SAFB2: variants seen among roughly 807,000 people sequenced by gnomAD.
The protein encoded by SAFB2 is scaffold attachment factor B2.
Under a neutral mutation model 100.6 loss-of-function variants are expected in SAFB2, and 32 were observed. The ratio of observed to expected loss-of-function variants is 0.32; its 90% CI spans 0.24 to 0.43. The LOEUF is 0.43. SAFB2 is among the 20% of genes least tolerant of loss of function. The pLI, the probability that SAFB2 is intolerant of heterozygous loss-of-function variation, is 1.00. For synonymous variants in SAFB2, 500 were observed against 439.4 expected (o/e 1.14, Z -1.72); for missense variants, 1,185 against 1,163.4 (o/e 1.02, Z -0.27).
chr19:5,593,635 C>G, intron 15 of SAFB2: 1 of 439,638 alleles, frequency 2.3e-6, no homozygotes, highest in Admixed American at 4.2e-5. Context: ...ACAAACCCTT[C>G]AGCAAGTGGC....
At chr19:5,617,973 A>G (rs1437339747) in intron 2 of SAFB2, among the ~76,000 whole-genome samples, 1 of 152,122 alleles carries the variant, frequency 6.6e-6, no homozygotes, top group East Asian at 1.9e-4. Context: ...TGAGACCCCC[A>G]TCTCCACCAA....
At chr19:5,621,858 C>T (rs915545681) in intron 1 of SAFB2, among the ~76,000 whole-genome samples, 11 of 152,342 alleles carry the variant, frequency 7.2e-5, no homozygotes, top group African/African-American at 2.6e-4. Flanking sequence ...CCACAAGCTC[C>T]CTCCCTATGC....
rs554743450 is a variant in SAFB2, at chr19:5,605,394, C to T, written c.1297-458G>A. On this transcript the variant is annotated intron_variant, in intron 9 of 20. Transcript: ENST00000252542. Reference sequence around the variant, plus strand: ...TGCTGGGATTACAGGCATGAGACACCGCACCCAGCCACTAAATACAACTGC... The same window carrying T: ...TGCTGGGATTACAGGCATGAGACACTGCACCCAGCCACTAAATACAACTGC... Among the ~76,000 whole-genome samples, 7 of 152,190 alleles carry T rather than the reference C, an allele frequency of 4.6e-5. No individual in the cohort carries two copies. In the South Asian group the frequency reaches 1.2e-3, roughly 27 times the overall value.
At chr19:5,598,768 C>A in intron 13 of SAFB2, 25 bp downstream of exon 13, 1 of 1,602,572 alleles carries the variant, frequency 6.2e-7, no homozygotes, top group Non-Finnish European at 8.6e-7. Context: ...ACAGCTGGCC[C>A]TGAGATGGCA....
At chr19:5,620,918 T>C (rs1436776747) in intron 2 of SAFB2, among the ~76,000 whole-genome samples, 1 of 151,984 alleles carries the variant, frequency 6.6e-6, no homozygotes, top group East Asian at 1.9e-4. Flanking sequence ...CAAAGCTGAG[T>C]TCTATTCGGT....
intron 1 of SAFB2, among the ~76,000 whole-genome samples, chr19:5,621,825 C>A (rs999058739): frequency 6.6e-6 from 1 of 152,270 alleles, no homozygotes; most frequent in Non-Finnish European, 1.5e-5. Context: ...TGCCTGCCAC[C>A]TGCCGGGTCC....
Position 5,592,929 on chromosome 19 carries a change from AGAGAGGAGG to A in SAFB2, c.2208-51_2208-43del. On this transcript the variant is annotated intron_variant, in intron 15 of 20. Transcript: ENST00000252542. The stretch of plus-strand genomic sequence containing the variant: ...TAAAAGAATACAAATTCCATTAATG[AGAGAGGAGG>A]AGGAAAAAAGGAGGAGGTGGAGGTG... The A allele has an allele frequency of 3.8e-6, 6 of 1,594,810 alleles. No individual in the cohort carries two copies. The African/African-American group carries it at 8.1e-5, about 21-fold the overall frequency.
chr19:5,593,716 T>C, intron 15 of SAFB2, 175 bp downstream of exon 15: 1 of 644,030 alleles, frequency 1.6e-6, no homozygotes, highest in Non-Finnish European at 2.4e-6. Flanking sequence ...GACAGCGAAC[T>C]AATAAACCTG....
At chr19:5,596,110 A>G (rs1431850218) in intron 13 of SAFB2, among the ~76,000 whole-genome samples, 1 of 152,166 alleles carries the variant, frequency 6.6e-6, no homozygotes, top group Non-Finnish European at 1.5e-5. Context: ...TAAAAATACA[A>G]AAATTAGCTA....
chr19:5,622,409 C>T (rs2053182341), intron 1 of SAFB2, 121 bp downstream of exon 1: 3 of 1,036,552 alleles, frequency 2.9e-6, no homozygotes, highest in Non-Finnish European at 3.9e-6. Context: ...CACCTCGAAC[C>T]GGGGTCGGCC....
chr19:5,598,723 T>G lies in SAFB2; in HGVS notation c.1782+70A>C, dbSNP rs1011289806. ...AGGCAAAACAGTGCTGTTTTCATAA[T>G]GCGGATCAAACGGGCCGTGGAGCCA... On this transcript the variant is annotated intron_variant, in intron 13 of 20. Coordinates refer to ENST00000252542, the MANE Select transcript of SAFB2 (RefSeq NM_014649.3). 1.1e-5 allele frequency: 16 copies of G among 1,397,012 alleles called. No homozygotes were observed. In the East Asian group the frequency reaches 3.4e-4, roughly 30 times the overall value. 86.5% of individuals were successfully genotyped at this position (1,397,012 alleles called of 1,614,324 possible).
chr19:5,594,440 C>T (rs2052493335), intron 14 of SAFB2, among the ~76,000 whole-genome samples: 1 of 152,174 alleles, frequency 6.6e-6, no homozygotes, highest in Non-Finnish European at 1.5e-5. Context: ...TTTTGCTTTA[C>T]TGAGCAATAT....
chr19:5,596,250 G>A (rs183380588), intron 13 of SAFB2, among the ~76,000 whole-genome samples: 6 of 152,300 alleles, frequency 3.9e-5, no homozygotes, highest in East Asian at 1.9e-4. Context: ...GTGACAGAGC[G>A]GGACTCCGTC....
At chr19:5,601,711 A>AAAATAAATAAATAAATAAAT (rs10647558) in intron 11 of SAFB2, among the ~76,000 whole-genome samples, 1 of 144,748 alleles carries the variant, frequency 6.9e-6, no homozygotes, top group Non-Finnish European at 1.5e-5. Context: ...ACTCCATCTC[A>AAAATAAATAAATAAATAAAT]AAATAAATAA....
At chr19:5,596,258 G>A (rs549900234) in intron 13 of SAFB2, among the ~76,000 whole-genome samples, 22 of 152,284 alleles carry the variant, frequency 1.4e-4, no homozygotes, top group African/African-American at 2.9e-4. Context: ...GCGGGACTCC[G>A]TCTCAAATAA....
chr19:5,592,748 T>C lies in SAFB2; in HGVS notation c.2347A>G (p.Arg783Gly). 1 of 1,613,986 alleles carries C rather than the reference T, an allele frequency of 6.2e-7. No individual in the cohort carries two copies. The highest frequency in any genetic ancestry group is 2.2e-5 in the East Asian group (1 of 44,876). The change falls in exon 16 of 21, where the codon AGG becomes GGG. Residue 783 changes from arginine (R) to glycine (G), a missense_variant and splice_region_variant. Physicochemically the swap from Arg to Gly is moderately radical, Grantham distance 125. This residue lies in a region of SAFB2 where 740 missense variants were observed against 687.1 expected (regional missense o/e 1.08). Coordinates refer to ENST00000252542, the MANE Select transcript of SAFB2 (RefSeq NM_014649.3). Reference protein sequence around the residue: ...RGQYQDHAIDRREGSRPMMGD... With the variant: ...RGQYQDHAIDGREGSRPMMGD... ...AAAGGAGGGGACAAGACCACTGACC[T>C]GTCGATGGCGTGGTCCTGGTACTGG... is the stretch of plus-strand genomic sequence containing the variant.
At chr19:5,609,438 C>T (rs902999239) in intron 9 of SAFB2, among the ~76,000 whole-genome samples, 5 of 151,750 alleles carry the variant, frequency 3.3e-5, no homozygotes, top group African/African-American at 9.7e-5. Flanking sequence ...CGAGTAGCTG[C>T]GACTACAGGC....
intron 13 of SAFB2, 91 bp downstream of exon 13, chr19:5,598,702 A>G (rs938189755): frequency 1.6e-5 from 19 of 1,223,406 alleles, no homozygotes; most frequent in Non-Finnish European, 2.3e-5. Flanking sequence ...TTTTAAAGGC[A>G]AAACAGTGCT....
chr19:5,600,652 G>A (rs2052636146), intron 11 of SAFB2, among the ~76,000 whole-genome samples: 1 of 152,200 alleles, frequency 6.6e-6, no homozygotes, highest in South Asian at 2.1e-4. Flanking sequence ...ATAGGGAAAA[G>A]CATTTCTTCC....
Sources: gnomAD v4.1 joint callset for allele counts (sites outside exome capture counted in the v4.1 genomes callset) on GRCh38, gnomAD v4.1.1 for gene constraint, gnomAD v4.1.1 regional missense constraint, MANE v1.5 for transcripts, NCBI Gene and HGNC (gene_info 2026-07-23, HGNC 2026-07-21) for gene names.